The following RAB12 variants were observed in gnomAD, a reference collection of about 807,000 sequenced individuals.
The protein encoded by RAB12 is RAB12, member RAS oncogene family.
RAB12 carries 11 observed loss-of-function variants against 28.4 expected under a neutral mutation model. The ratio of observed to expected loss-of-function variants is 0.39; its 90% confidence interval spans 0.24 to 0.64. The LOEUF (loss-of-function observed/expected upper bound fraction) is 0.64. Among genes scored for constraint, RAB12 ranks in the 30% least tolerant of loss-of-function variants. RAB12 has a pLI of 0.50. For synonymous variants in RAB12, 138 were observed against 145.3 expected (o/e 0.95, Z 0.36); for missense variants, 276 against 351.1 (o/e 0.79, Z 1.71).
chr18:8,620,940 G>A (rs1391826169), intron 1 of RAB12, among the ~76,000 whole-genome samples: 1 of 152,158 alleles, frequency 6.6e-6, no homozygotes, highest in African/African-American at 2.4e-5. Context: ...TCTAAGAAGA[G>A]AGAACAGCAA....
rs1165479511 is a variant in RAB12 at position 8,638,461 on chromosome 18, AT to A, written c.*202del. ...TACCTATTTCCCTCCAAATTATTAT[AT>A]TTCATTCATTACCCCAGTGTCTAGT... On this transcript the variant is annotated 3_prime_UTR_variant, in exon 6 of 6. Coordinates refer to ENST00000649141, the MANE Select transcript of RAB12 (RefSeq NM_001025300.3). 2 of 542,672 alleles carry A rather than the reference AT, an allele frequency of 3.7e-6. No homozygotes were observed. Among genetic ancestry groups the A allele is most frequent in the Non-Finnish European group, 6.6e-6 (2 of 301,812 alleles). 33.6% of individuals were successfully genotyped at this position (542,672 alleles called of 1,614,324 possible). A position where few individuals can be genotyped will look rare whatever the true frequency, so the allele number is the denominator to read the frequency against.
rs1416520707 is a variant in RAB12, at chr18:8,609,759, C to T, written c.320C>T (p.Ala107Val). 7.2e-6 allele frequency: 9 copies of T among 1,256,044 alleles called. No homozygotes were observed. Among genetic ancestry groups the T allele is most frequent in the Admixed American group, 4.4e-5 (1 of 22,498 alleles). 77.8% of individuals were successfully genotyped at this position (1,256,044 alleles called of 1,614,324 possible). The change falls in exon 1 of 6, where the codon GCC (alanine) becomes GTC (valine). Residue 107 changes from alanine (A) to valine (V), a missense_variant. Physicochemically the swap from Ala to Val is moderately conservative, Grantham distance 64. This residue lies in a region of RAB12 where 72 missense variants were observed against 55.5 expected (regional missense o/e 1.30). Transcript: ENST00000649141. ...CCGGGCGCCGCGCTGCAGAGGCGGG[C>T]CGGGGGCGGCGGCGGTCTGGGCGCG... ...MDPGAALQRR[A>V]GGGGGLGAGS...
intron 1 of RAB12, among the ~76,000 whole-genome samples, chr18:8,613,125 A>G (rs1190084596): frequency 1.3e-5 from 2 of 152,216 alleles, no homozygotes; most frequent in African/African-American, 2.4e-5. Flanking sequence ...AAGATTTACA[A>G]AATTCACAAG....
chr18:8,627,579 A>G (rs1003797071), intron 2 of RAB12, among the ~76,000 whole-genome samples: 1 of 152,242 alleles, frequency 6.6e-6, no homozygotes, highest in African/African-American at 2.4e-5. Flanking sequence ...AACTTTATGT[A>G]AGTAGCTAAA....
At chr18:8,634,467 A>G (rs573840528) in intron 3 of RAB12, among the ~76,000 whole-genome samples, 2 of 152,032 alleles carry the variant, frequency 1.3e-5, no homozygotes, top group Admixed American at 6.5e-5. Context: ...ACAGAGTGCA[A>G]TCCTGTGGAA....
intron 2 of RAB12, among the ~76,000 whole-genome samples, chr18:8,629,412 T>G (rs577449021): frequency 6.6e-6 from 1 of 152,338 alleles, no homozygotes; most frequent in African/African-American, 2.4e-5. Context: ...TCAGATTTCC[T>G]TTTTTGTTTT....
rs535938194 is a variant in RAB12 at position 8,633,490 on chromosome 18, T to A, written c.714+163T>A. 6.2e-4 allele frequency among the ~76,000 whole-genome samples: 95 copies of A among 152,334 alleles called. 4 individuals carry two copies. The South Asian group carries it at 0.02, about 31-fold the overall frequency. On this transcript the variant is annotated intron_variant, in intron 3 of 5. Coordinates refer to ENST00000649141, the MANE Select transcript of RAB12 (RefSeq NM_001025300.3). The stretch of plus-strand genomic sequence containing the variant: ...GGGATAGGGATGTAGTCCTGTATTG[T>A]GGATGAGGCAAAGAAGAATTAAATT...
chr18:8,615,595 C>T (rs1412340994), intron 1 of RAB12, among the ~76,000 whole-genome samples: 1 of 152,184 alleles, frequency 6.6e-6, no homozygotes, highest in African/African-American at 2.4e-5. Context: ...CATGATGACT[C>T]AGGGATGTGA....
Position 8,609,731 on chromosome 18 carries a change from G to C in RAB12, c.292G>C (p.Asp98His), listed in dbSNP as rs2096002593. ...CGAGCGGGAGCCGCATGCGTGTATGGATCCGGGCGCCGCGCTGCAGAGGCG... is the reference window on the plus strand; with the variant it reads ...CGAGCGGGAGCCGCATGCGTGTATGCATCCGGGCGCCGCGCTGCAGAGGCG... The part of the protein sequence containing the change: ...RAEREPHACM[D>H]PGAALQRRAG... Residue 98 changes from aspartate (D) to histidine (H), a missense_variant, in exon 1 of 6, where the codon GAT becomes CAT. By Grantham distance (81) the Asp-to-His change is moderately conservative. Around this residue, in one of 4 missense-constraint regions of RAB12, gnomAD observed 72 missense variants for 55.5 expected, o/e 1.30. Transcript: ENST00000649141. 8.6e-7 allele frequency: 1 copy of C among 1,163,306 alleles called. No individual in the cohort carries two copies. The highest frequency in any genetic ancestry group is 1.1e-6 in the Non-Finnish European group (1 of 944,958). The allele number at this position is 1,163,306 out of a possible 1,614,324, so 72.1% of individuals were successfully genotyped here.
intron 1 of RAB12, among the ~76,000 whole-genome samples, chr18:8,612,102 G>C (rs1299173217): frequency 2.6e-5 from 4 of 152,212 alleles, no homozygotes; most frequent in African/African-American, 9.7e-5. Flanking sequence ...ACCCAGTGGG[G>C]ATTCAGTGGT....
At chr18:8,629,337 A>G (rs536297761) in intron 2 of RAB12, among the ~76,000 whole-genome samples, 3 of 152,332 alleles carry the variant, frequency 2.0e-5, no homozygotes, top group South Asian at 4.1e-4. Flanking sequence ...GAAGGTGACT[A>G]TTAGTGTGGT....
intron 2 of RAB12, among the ~76,000 whole-genome samples, chr18:8,626,410 G>A (rs975892032): frequency 2.6e-5 from 4 of 152,220 alleles, no homozygotes; most frequent in African/African-American, 7.2e-5. Flanking sequence ...AATGTGTGAC[G>A]CCTGCCTTGG....
intron 2 of RAB12, 46 bp from the exon 3 acceptor site, chr18:8,633,143 C>T (rs2096016954): frequency 6.2e-7 from 1 of 1,611,402 alleles, no homozygotes. Context: ...TGATGGTGCT[C>T]ACTTTGGGCA....
At chr18:8,635,941 C>G (rs2096018656) in intron 4 of RAB12, 2 of 425,428 alleles carry the variant, frequency 4.7e-6, no homozygotes, top group African/African-American at 4.1e-5. Flanking sequence ...TTGGTTTTTG[C>G]TAAGGATTGA....
intron 1 of RAB12, among the ~76,000 whole-genome samples, chr18:8,614,519 GAAAA>G (rs143888490): frequency 7.3e-6 from 1 of 136,954 alleles, no homozygotes; most frequent in Non-Finnish European, 1.6e-5. Flanking sequence ...AAAAAAAAAA[GAAAA>G]AAAAAAGACT....
chr18:8,620,139 C>CTTTTTTTTTTTTTTTTTTTTT (rs71165795), intron 1 of RAB12, among the ~76,000 whole-genome samples: 132 of 53,648 alleles, frequency 2.5e-3, no homozygotes, highest in East Asian at 4.4e-3. Context: ...TTTTCTTCTT[C>CTTTTTTTTTTTTTTTTTTTTT]TTTTTTTTTT....
At chr18:8,628,578 A>G (rs1335792032) in intron 2 of RAB12, among the ~76,000 whole-genome samples, 2 of 152,160 alleles carry the variant, frequency 1.3e-5, no homozygotes, top group South Asian at 2.1e-4. Flanking sequence ...TGTCAACTAA[A>G]TCAGTTTGCT....
chr18:8,616,505 CTAGT>C (rs1352314056), intron 1 of RAB12, among the ~76,000 whole-genome samples: 1 of 151,960 alleles, frequency 6.6e-6, no homozygotes, highest in Non-Finnish European at 1.5e-5. Flanking sequence ...TTTCTGGTGC[CTAGT>C]TAACAAAACA....
intron 2 of RAB12, among the ~76,000 whole-genome samples, chr18:8,632,413 A>G (rs1050647973): frequency 1.3e-5 from 2 of 152,104 alleles, no homozygotes; most frequent in African/African-American, 4.8e-5. Context: ...AGGAGCTTCC[A>G]GTGGCCGGAC....
Sources: gnomAD v4.1 joint callset for allele counts (sites outside exome capture counted in the v4.1 genomes callset) on GRCh38, gnomAD v4.1.1 for gene constraint, gnomAD v4.1.1 regional missense constraint, MANE v1.5 for transcripts, NCBI Gene and HGNC (gene_info 2026-07-23, HGNC 2026-07-21) for gene names.